The following KIDINS220 variants were observed in gnomAD, a reference collection of about 807,000 sequenced individuals.
KIDINS220 encodes the protein kinase D interacting substrate 220.
KIDINS220 carries 63 observed loss-of-function variants against 157.6 expected under a neutral mutation model. The ratio of observed to expected loss-of-function variants is 0.40; its 90% CI spans 0.33 to 0.49. The LOEUF (loss-of-function observed/expected upper bound fraction) is 0.49, where lower values mean the gene tolerates loss of function less well. Ranked by LOEUF, KIDINS220 falls within the 20% of genes least tolerant of loss-of-function variation. KIDINS220 has a pLI of 0.66. For missense variants in KIDINS220, 1,772 were observed against 2,171.2 expected (o/e 0.82, Z 3.65); for synonymous variants, 732 against 783.6 (o/e 0.93, Z 1.10).
chr2:8,753,526 C>T (rs1667629425), intron 22 of KIDINS220, among the ~76,000 whole-genome samples: 1 of 152,072 alleles, frequency 6.6e-6, no homozygotes, highest in African/African-American at 2.4e-5. Context: ...TGAGATTGGT[C>T]AATTTAAATA....
intron 1 of KIDINS220, among the ~76,000 whole-genome samples, chr2:8,831,646 C>T (rs1192699736): frequency 6.6e-6 from 1 of 152,180 alleles, no homozygotes; most frequent in Non-Finnish European, 1.5e-5. Context: ...ATTTTACTCA[C>T]TCTCTCCACA....
intron 24 of KIDINS220, among the ~76,000 whole-genome samples, 194 bp from the exon 25 acceptor site, chr2:8,748,194 A>T (rs138534937): frequency 7.6e-4 from 115 of 152,292 alleles, no homozygotes; most frequent in African/African-American, 2.5e-3. Context: ...ACATTTTTAT[A>T]TTGGTCATTT....
intron 26 of KIDINS220, among the ~76,000 whole-genome samples, chr2:8,739,271 A>T (rs574968043): frequency 4.6e-5 from 7 of 152,182 alleles, no homozygotes; most frequent in Non-Finnish European, 7.3e-5. Context: ...CCTCTGAATT[A>T]CTTTTAAAAG....
chr2:8,751,059 C>G (rs1035464866), intron 23 of KIDINS220, among the ~76,000 whole-genome samples: 1 of 152,068 alleles, frequency 6.6e-6, no homozygotes, highest in Non-Finnish European at 1.5e-5. Context: ...GATTTTCTTA[C>G]TTCTCTGGAT....
chr2:8,791,335 T>C, intron 12 of KIDINS220, 111 bp from the exon 13 acceptor site: 1 of 934,286 alleles, frequency 1.1e-6, no homozygotes, highest in Non-Finnish European at 1.6e-6. Flanking sequence ...TTCAAATGTT[T>C]ATACCCATGT....
At chr2:8,755,789 A>G (rs1240783426) in intron 22 of KIDINS220, among the ~76,000 whole-genome samples, 2 of 152,236 alleles carry the variant, frequency 1.3e-5, no homozygotes, top group Admixed American at 6.5e-5. Flanking sequence ...CCAACTGGAC[A>G]TAGATGTATG....
rs750507462 is a variant in KIDINS220, at chr2:8,806,280, T to C, written c.594A>G (p.Gln198=). The C allele has an allele frequency of 1.1e-5, 17 of 1,602,146 alleles. No homozygotes were observed. The South Asian group carries it at 1.9e-4, about 18-fold the overall frequency. Residue 198 remains glutamine (Q), a synonymous_variant, in exon 7 of 30, where the codon CAA becomes CAG. Transcript: ENST00000256707. ...HLLAMGADVD[Q]EGANSMTALI... ...AATATAAGATACTTACAGCTCCTTC[T>C]TGATCCACATCAGCTCCCATGGCCA...
chr2:8,836,254 T>C (rs1276046894), intron 1 of KIDINS220, among the ~76,000 whole-genome samples: 6 of 151,198 alleles, frequency 4.0e-5, no homozygotes, highest in Non-Finnish European at 8.8e-5. Flanking sequence ...ACTTAAGTTA[T>C]GCCTCCTCCC....
At chr2:8,779,612 TCAAA>T in intron 18 of KIDINS220, 58 bp downstream of exon 18, 2 of 1,531,294 alleles carry the variant, frequency 1.3e-6, no homozygotes, top group African/African-American at 1.4e-5. Context: ...ATTTGTGAAG[TCAAA>T]CATTCTCTCA....
rs770706202 is a variant in KIDINS220 at position 8,751,643 on chromosome 2, T to C, written c.3013A>G (p.Ile1005Val). 1.5e-5 allele frequency: 23 copies of C among 1,577,568 alleles called. No individual in the cohort carries two copies. The highest frequency in any genetic ancestry group is 1.7e-4 in the Middle Eastern group (1 of 5,924). ...QMTLKTIYER[I>V]SKNIPTTKDV... is the part of the protein sequence containing the mutation. ...TTAGTTGTTGGAATATTCTTTGATATTCTTCAAATAAGAAATCAATGAAAA... is the reference window on the plus strand; with the variant it reads ...TTAGTTGTTGGAATATTCTTTGATACTCTTCAAATAAGAAATCAATGAAAA... Residue 1005 changes from isoleucine (I) to valine (V), a missense_variant and splice_region_variant, in exon 23 of 30, where the codon ATA becomes GTA. Ile to Val is a conservative substitution (Grantham distance 29, BLOSUM62 3). Transcript: ENST00000256707.
In KIDINS220 at chr2:8,730,294, G is replaced by A. The variant is rs1663859754; in HGVS notation, c.*426C>T. 2 of 1,002,448 alleles carry A rather than the reference G, an allele frequency of 2.0e-6. No homozygotes were observed. Among genetic ancestry groups the A allele is most frequent in the African/African-American group, 3.5e-5 (2 of 57,546 alleles). The allele number at this position is 1,002,448 out of a possible 1,614,324, so 62.1% of individuals were successfully genotyped here. On this transcript the variant is annotated 3_prime_UTR_variant, in exon 30 of 30. Transcript: ENST00000256707. ...ACCTAGGTGAGCCCCTAAGAGCAGGGTTTGCTTCTGCTTCACCTAACGCCA... is the reference window on the plus strand; with the variant it reads ...ACCTAGGTGAGCCCCTAAGAGCAGGATTTGCTTCTGCTTCACCTAACGCCA...
intron 1 of KIDINS220, among the ~76,000 whole-genome samples, chr2:8,834,642 C>T (rs1443987432): frequency 6.6e-6 from 1 of 152,062 alleles, no homozygotes; most frequent in Non-Finnish European, 1.5e-5. Flanking sequence ...GAATCTCCAG[C>T]ACTTAAGAGA....
intron 2 of KIDINS220, among the ~76,000 whole-genome samples, chr2:8,824,709 T>G (rs946644474): frequency 1.3e-5 from 2 of 152,066 alleles, no homozygotes; most frequent in Non-Finnish European, 2.9e-5. Context: ...AAAACATGTA[T>G]AATATTTGCA....
intron 21 of KIDINS220, among the ~76,000 whole-genome samples, chr2:8,774,147 T>C (rs1458621350): frequency 6.6e-6 from 1 of 151,230 alleles, no homozygotes; most frequent in African/African-American, 2.4e-5. Flanking sequence ...AATACAAAAA[T>C]TAGCCGGGCG....
At chr2:8,819,795 A>T (rs1677641526) in intron 2 of KIDINS220, among the ~76,000 whole-genome samples, 1 of 152,192 alleles carries the variant, frequency 6.6e-6, no homozygotes, top group Non-Finnish European at 1.5e-5. Flanking sequence ...ACTGCACTCC[A>T]GCCTGGGTGA....
At chr2:8,797,318 G>A (rs1247344945) in intron 10 of KIDINS220, among the ~76,000 whole-genome samples, 2 of 152,228 alleles carry the variant, frequency 1.3e-5, no homozygotes, top group African/African-American at 2.4e-5. Flanking sequence ...CAAGCAGTAT[G>A]CCTTCAGAAA....
downstream of KIDINS220, chr2:8,726,748 T>C: frequency 7.4e-6 from 3 of 404,562 alleles, no homozygotes; most frequent in South Asian, 5.6e-5. Flanking sequence ...TCTGCATGTC[T>C]AAACATAGAA....
chr2:8,725,191 T>G (rs760482491), downstream of KIDINS220: 17 of 152,174 alleles, frequency 1.1e-4, no homozygotes, highest in Non-Finnish European at 2.4e-4. Context: ...ATAGTTTAAT[T>G]TCCATCAAGT....
chr2:8,781,142 TATATATATATA>T (rs1036924859), intron 17 of KIDINS220, among the ~76,000 whole-genome samples: 1 of 3,584 alleles, frequency 2.8e-4, no homozygotes, highest in Non-Finnish European at 5.0e-4. Flanking sequence ...TATTAATTAT[TATATATATATA>T]ATATATATAT....
Sources: allele counts gnomAD v4.1 joint callset (sites outside exome capture counted in the v4.1 genomes callset), GRCh38; gene constraint gnomAD v4.1.1; transcripts MANE v1.5; gene names NCBI Gene and HGNC (gene_info 2026-07-23, HGNC 2026-07-21).